Variants in XRCC4 observed in about 807,000 individuals in gnomAD.
XRCC4 encodes DNA repair protein XRCC4.
XRCC4 carries 28 observed loss-of-function variants against 39.1 expected under a neutral mutation model. The ratio of observed to expected loss-of-function variants is 0.72; its 90% CI spans 0.53 to 0.98. XRCC4 has a LOEUF of 0.98. Among genes scored for constraint, XRCC4 ranks in the 50% least tolerant of loss-of-function variants. The pLI, the probability that XRCC4 is intolerant of heterozygous loss-of-function variation, is 0.00. For synonymous variants in XRCC4, 123 were observed against 126.4 expected, an observed-to-expected ratio of 0.97 and a Z score of 0.18; for missense variants, 350 against 376.4, an observed-to-expected ratio of 0.93 and a Z score of 0.58.
chr5:83,132,472 G>C (rs1295423801), intron 3 of XRCC4, among the ~76,000 whole-genome samples: 1 of 152,034 alleles, frequency 6.6e-6, no homozygotes. Context: ...ATCCTGCAGA[G>C]TGTTTTCCAA....
At chr5:83,186,877 A>G (rs1201955633) in intron 3 of XRCC4, among the ~76,000 whole-genome samples, 1 of 151,510 alleles carries the variant, frequency 6.6e-6, no homozygotes, top group Admixed American at 6.6e-5. Context: ...AGGAGAACCC[A>G]TTGTCTTGTC....
chr5:83,286,493 A>G (rs1209910448), intron 7 of XRCC4, among the ~76,000 whole-genome samples: 4 of 152,138 alleles, frequency 2.6e-5, no homozygotes, highest in Non-Finnish European at 2.9e-5. Flanking sequence ...ATGTATGGCA[A>G]GCAGGCTGGC....
At chr5:83,276,872 CAG>C (rs970858695) in intron 7 of XRCC4, among the ~76,000 whole-genome samples, 26 of 152,048 alleles carry the variant, frequency 1.7e-4, no homozygotes, top group African/African-American at 6.3e-4. Flanking sequence ...TTGCTTATAA[CAG>C]AATCTTGTTA....
intron 1 of XRCC4, among the ~76,000 whole-genome samples, chr5:83,103,468 C>A (rs2112367812): frequency 6.6e-6 from 1 of 152,090 alleles, no homozygotes; most frequent in South Asian, 2.1e-4. Flanking sequence ...CTCATACTAT[C>A]AATTGTAAAC....
At position 83,285,930 on chromosome 5, in the gene XRCC4, A is replaced by C. The variant is rs573186119; in HGVS notation, c.893+27253A>C. 1.3e-4 allele frequency among the ~76,000 whole-genome samples: 20 copies of C among 152,166 alleles called. 1 individual carries two copies. The highest frequency in any genetic ancestry group is 2.0e-4 in the Admixed American group (3 of 15,256). Reference sequence around the variant, plus strand: ...AGCTGAAACCATGACTTTTCACAGGAGCTTGTTATTCCTTTTTTCAAAGTT... The same window carrying C: ...AGCTGAAACCATGACTTTTCACAGGCGCTTGTTATTCCTTTTTTCAAAGTT... On this transcript the variant is annotated intron_variant, in intron 7 of 7. Coordinates refer to ENST00000396027, the MANE Select transcript of XRCC4 (RefSeq NM_003401.5).
intron 3 of XRCC4, among the ~76,000 whole-genome samples, chr5:83,129,247 G>T (rs113278897): frequency 0.44 from 55,978 of 127,472 alleles, 13,240 homozygotes; most frequent in African/African-American, 0.58. Context: ...TTTCCCCATT[G>T]CTTGTTTTTC....
At chr5:83,251,424 T>C (rs941385360) in intron 6 of XRCC4, among the ~76,000 whole-genome samples, 1 of 147,698 alleles carries the variant, frequency 6.8e-6, no homozygotes, top group African/African-American at 2.5e-5. Context: ...CTCAGGAGGC[T>C]GAGGCAGGAG....
intron 7 of XRCC4, among the ~76,000 whole-genome samples, chr5:83,331,491 T>C (rs1756435737): frequency 6.6e-6 from 1 of 152,114 alleles, no homozygotes; most frequent in Non-Finnish European, 1.5e-5. Context: ...CTTGGCACCA[T>C]TTTGTAAAAG....
chr5:83,324,438 A>G (rs982284746), intron 7 of XRCC4, among the ~76,000 whole-genome samples: 1 of 152,238 alleles, frequency 6.6e-6, no homozygotes, highest in Non-Finnish European at 1.5e-5. Flanking sequence ...TAACTCTTCT[A>G]TTGATCAAAC....
At chr5:83,373,740 A>G in the XRCC4 span, among the ~76,000 whole-genome samples, 1 of 152,114 alleles carries the variant, frequency 6.6e-6, no homozygotes, top group Non-Finnish European at 1.5e-5. Flanking sequence ...GAATGTCTAC[A>G]CCTCACTTTT....
the XRCC4 span, among the ~76,000 whole-genome samples, chr5:83,359,457 C>T: frequency 1.3e-5 from 2 of 152,060 alleles, no homozygotes; most frequent in Admixed American, 1.3e-4. Flanking sequence ...TATAAATTAC[C>T]AGAGAATGCT....
chr5:83,363,274 G>A, the XRCC4 span, among the ~76,000 whole-genome samples: 6 of 152,304 alleles, frequency 3.9e-5, no homozygotes, highest in Non-Finnish European at 2.9e-5. Flanking sequence ...CAGAGGAAGA[G>A]AGTGTGGCCT....
intron 6 of XRCC4, among the ~76,000 whole-genome samples, chr5:83,234,333 A>G (rs548457754): frequency 6.6e-6 from 1 of 152,202 alleles, no homozygotes; most frequent in African/African-American, 2.4e-5. Context: ...ATCTTTTTCC[A>G]TCTGATTTTT....
chr5:83,265,878 G>C (rs1254787503), intron 7 of XRCC4, among the ~76,000 whole-genome samples: 1 of 151,654 alleles, frequency 6.6e-6, no homozygotes, highest in Non-Finnish European at 1.5e-5. Flanking sequence ...TAACACCCTG[G>C]GAACAACCCT....
At chr5:83,136,347 T>C (rs1419091229) in intron 3 of XRCC4, among the ~76,000 whole-genome samples, 1 of 152,208 alleles carries the variant, frequency 6.6e-6, no homozygotes, top group Non-Finnish European at 1.5e-5. Flanking sequence ...ATTTTCTTCC[T>C]TTCTTGCCCT....
At chr5:83,191,400 C>G (rs1439576284) in intron 3 of XRCC4, among the ~76,000 whole-genome samples, 1 of 144,150 alleles carries the variant, frequency 6.9e-6, no homozygotes, top group Non-Finnish European at 1.5e-5. Context: ...CTCATGAGAT[C>G]TGATGGTTTT....
intron 3 of XRCC4, among the ~76,000 whole-genome samples, chr5:83,174,021 A>G (rs1000767216): frequency 2.6e-5 from 4 of 152,160 alleles, no homozygotes; most frequent in Non-Finnish European, 4.4e-5. Context: ...CTTACCATGA[A>G]CTTGTACATG....
chr5:83,232,235 C>T (rs1324434141), intron 6 of XRCC4, among the ~76,000 whole-genome samples: 1 of 152,036 alleles, frequency 6.6e-6, no homozygotes, highest in East Asian at 1.9e-4. Flanking sequence ...TTCTTCATTC[C>T]TAATAAATCG....
intron 7 of XRCC4, among the ~76,000 whole-genome samples, chr5:83,288,681 T>A (rs1304726668): frequency 2.6e-5 from 4 of 151,958 alleles, no homozygotes; most frequent in African/African-American, 9.6e-5. Flanking sequence ...ATGTAAGATA[T>A]TTTTTACCCT....
Sources: gnomAD v4.1 joint callset for allele counts (sites outside exome capture counted in the v4.1 genomes callset) on GRCh38, gnomAD v4.1.1 for gene constraint, MANE v1.5 for transcripts, NCBI Gene and HGNC (gene_info 2026-07-23, HGNC 2026-07-21) for gene names.